Variants in BICDL1 observed in about 807,000 individuals in gnomAD.
BICDL1 encodes BICD family like cargo adaptor 1.
In BICDL1, 20 loss-of-function variants were observed where a neutral mutation model predicts 76.8. The observed-to-expected ratio is 0.26, with a 90% CI of 0.18 to 0.38. The LOEUF (loss-of-function observed/expected upper bound fraction) is 0.38, where lower values mean the gene tolerates loss of function less well. Among genes scored for constraint, BICDL1 ranks in the 10% least tolerant of loss-of-function variants. The pLI, the probability that BICDL1 is intolerant of heterozygous loss-of-function variation, is 1.00. For missense variants in BICDL1, 700 were observed against 798.6 expected (o/e 0.88, Z 1.49); for synonymous variants, 383 against 337.1 (o/e 1.14, Z -1.49).
chr12:120,018,196 T>C (rs1952105790), intron 2 of BICDL1, among the ~76,000 whole-genome samples: 1 of 152,234 alleles, frequency 6.6e-6, no homozygotes, highest in Admixed American at 6.5e-5. Context: ...TGCTCTGGGA[T>C]GTGATCTGGG....
At chr12:120,080,082 C>T (rs1466147884) in intron 7 of BICDL1, among the ~76,000 whole-genome samples, 1 of 152,176 alleles carries the variant, frequency 6.6e-6, no homozygotes, top group Non-Finnish European at 1.5e-5. Flanking sequence ...GATTAAGCAC[C>T]CTACACAGCC....
chr12:120,035,322 T>TGA, intron 2 of BICDL1, among the ~76,000 whole-genome samples: 1 of 152,080 alleles, frequency 6.6e-6, no homozygotes. Flanking sequence ...GGTAACAGAG[T>TGA]GAGACTCCAT....
At chr12:120,065,796 G>A (rs914138690) in intron 4 of BICDL1, among the ~76,000 whole-genome samples, 4 of 152,224 alleles carry the variant, frequency 2.6e-5, no homozygotes, top group Non-Finnish European at 5.9e-5. Flanking sequence ...TAGGCTGTTT[G>A]AAAGCCTTGG....
At position 119,989,977 on chromosome 12, in the gene BICDL1, CCCGCCG is replaced by C. The variant is rs748752437; in HGVS notation, c.121_126del (p.Ala41_Ala42del). On this transcript the variant is annotated inframe_deletion, in exon 1 of 10. Transcript: ENST00000548673. ...CGCGGCCGGGGACGCAGTCCGGAGT[CCCGCCG>C]CCGCCGCCGCCCTCATCTTCCCCGG... is the stretch of plus-strand genomic sequence containing the variant. 103 of 1,467,138 alleles carry C rather than the reference CCCGCCG, an allele frequency of 7.0e-5. No homozygotes were observed. The highest frequency in any genetic ancestry group is 7.0e-4 in the Middle Eastern group (3 of 4,316). The allele number at this position is 1,467,138 out of a possible 1,614,324, so 90.9% of individuals were successfully genotyped here.
At chr12:119,998,221 A>G (rs1192295528) in intron 1 of BICDL1, among the ~76,000 whole-genome samples, 1 of 152,204 alleles carries the variant, frequency 6.6e-6, no homozygotes, top group Non-Finnish European at 1.5e-5. Flanking sequence ...AATTGATTAG[A>G]TGATTGGCAA....
intron 4 of BICDL1, among the ~76,000 whole-genome samples, chr12:120,065,437 A>T (rs11065010): frequency 0.086 from 13,112 of 152,186 alleles, 688 homozygotes; most frequent in African/African-American, 0.14. Flanking sequence ...AAATTGCTTC[A>T]TGGCCATATT....
chr12:119,995,220 T>G (rs1951616757), intron 1 of BICDL1, among the ~76,000 whole-genome samples: 1 of 152,220 alleles, frequency 6.6e-6, no homozygotes, highest in African/African-American at 2.4e-5. Flanking sequence ...AATTTAGCAC[T>G]TAATTGAAAA....
chr12:120,038,289 CAT>C (rs1209100866), intron 2 of BICDL1, among the ~76,000 whole-genome samples: 1 of 152,192 alleles, frequency 6.6e-6, no homozygotes, highest in Non-Finnish European at 1.5e-5. Flanking sequence ...CCTGAGAAAA[CAT>C]AGTGAGCATT....
intron 2 of BICDL1, among the ~76,000 whole-genome samples, chr12:120,041,237 G>C (rs974120805): frequency 3.3e-5 from 5 of 151,954 alleles, no homozygotes; most frequent in Non-Finnish European, 7.4e-5. Flanking sequence ...TAGGGGCAAG[G>C]GCCAAAAATC....
At chr12:120,016,966 C>T (rs530759432) in intron 2 of BICDL1, among the ~76,000 whole-genome samples, 15 of 152,330 alleles carry the variant, frequency 9.8e-5, no homozygotes, top group Non-Finnish European at 2.1e-4. Flanking sequence ...GATCTCGGCT[C>T]ACTGCAAGCT....
Position 120,033,130 on chromosome 12 carries a change from C to T in BICDL1, c.646-28580C>T, listed in dbSNP as rs192859133. 1.4e-4 allele frequency among the ~76,000 whole-genome samples: 22 copies of T among 152,048 alleles called. 1 individual carries two copies. Among genetic ancestry groups the T allele is most frequent in the Admixed American group, 2.6e-4 (4 of 15,262 alleles). On this transcript the variant is annotated intron_variant, in intron 2 of 9. Coordinates refer to ENST00000548673, the MANE Select transcript of BICDL1 (RefSeq NM_001367886.1). ...TTTAGATCAGTGATCTCCACCTTTC[C>T]GCTTCAGTAATTTTTTCATTATTGT...
chr12:120,074,417 T>G (rs1238986458), intron 6 of BICDL1, 26 bp from the exon 7 acceptor site: 1 of 1,168,020 alleles, frequency 8.6e-7, no homozygotes, highest in Non-Finnish European at 1.1e-6. Flanking sequence ...ACCATATCTG[T>G]CTGGCTGTCT....
At chr12:119,997,160 A>G (rs780601392) in intron 1 of BICDL1, among the ~76,000 whole-genome samples, 35 of 152,170 alleles carry the variant, frequency 2.3e-4, no homozygotes, top group Non-Finnish European at 4.9e-4. Flanking sequence ...GTTAACCAGG[A>G]TGGTCTCGAT....
intron 1 of BICDL1, among the ~76,000 whole-genome samples, chr12:119,996,792 G>A (rs974447782): frequency 3.3e-5 from 5 of 152,146 alleles, no homozygotes; most frequent in Non-Finnish European, 5.9e-5. Context: ...AGTTACACCA[G>A]AATGTTTCTG....
In BICDL1 at chr12:120,035,284, C is replaced by T. The variant is rs77861662; in HGVS notation, c.646-26426C>T. Among the ~76,000 whole-genome samples the T allele has an allele frequency of 9.7e-3, 1,475 of 152,114 alleles. 21 individuals are homozygous for T. Among genetic ancestry groups the T allele is most frequent in the East Asian group, 0.043 (221 of 5,166 alleles). ...CCGGGAGGTGGAGGTGGCAGTGAGC[C>T]GAGATCATGCCACCACATTCCAGCC... On this transcript the variant is annotated intron_variant, in intron 2 of 9. Transcript: ENST00000548673.
At chr12:120,007,127 T>C (rs1951865602) in intron 2 of BICDL1, among the ~76,000 whole-genome samples, 2 of 152,164 alleles carry the variant, frequency 1.3e-5, no homozygotes, top group Non-Finnish European at 2.9e-5. Flanking sequence ...TGTCTTGAGC[T>C]ACTGGAGGAA....
chr12:120,088,916 G>A (rs562656650), intron 8 of BICDL1, among the ~76,000 whole-genome samples: 1 of 152,086 alleles, frequency 6.6e-6, no homozygotes, highest in African/African-American at 2.4e-5. Context: ...CGCCCGCCTT[G>A]GCCTCCCAAA....
intron 2 of BICDL1, among the ~76,000 whole-genome samples, chr12:120,033,375 T>TTTTTTTTTTTTTTTG: frequency 8.2e-6 from 1 of 121,282 alleles, no homozygotes; most frequent in Non-Finnish European, 1.6e-5. Context: ...GCCTTTTTTT[T>TTTTTTTTTTTTTTTG]TTTTTTTTTT....
At chr12:120,023,373 T>A (rs1362014097) in intron 2 of BICDL1, among the ~76,000 whole-genome samples, 2 of 152,038 alleles carry the variant, frequency 1.3e-5, no homozygotes, top group Non-Finnish European at 2.9e-5. Context: ...TTCAAAAGGA[T>A]CAAACTATAT....
Sources: allele counts gnomAD v4.1 joint callset (sites outside exome capture counted in the v4.1 genomes callset), GRCh38; gene constraint gnomAD v4.1.1; transcripts MANE v1.5; gene names NCBI Gene and HGNC (gene_info 2026-07-23, HGNC 2026-07-21).